DLG2: variants seen among roughly 807,000 people sequenced by gnomAD.
DLG2 encodes the protein disks large homolog 2.
DLG2 carries 45 observed loss-of-function variants against 132.5 expected under a neutral mutation model. That is an observed-to-expected ratio of 0.34 (90% CI 0.27 to 0.44). The LOEUF (loss-of-function observed/expected upper bound fraction) is 0.44, where lower values mean the gene tolerates loss of function less well. DLG2 is among the 20% of genes least tolerant of loss of function. DLG2 has a pLI of 1.00. For missense variants in DLG2, 1,045 were observed against 1,196.9 expected (o/e 0.87, Z 1.87); for synonymous variants, 424 against 419.6 (o/e 1.01, Z -0.13).
At chr11:84,278,211 T>C (rs1197645748) in intron 7 of DLG2, among the ~76,000 whole-genome samples, 1 of 151,890 alleles carries the variant, frequency 6.6e-6, no homozygotes, top group African/African-American at 2.4e-5. Context: ...TAAACAACTT[T>C]TTCCCCCCAA....
intron 11 of DLG2, among the ~76,000 whole-genome samples, chr11:83,997,851 A>T (rs892979731): frequency 1.3e-5 from 2 of 151,530 alleles, no homozygotes; most frequent in Non-Finnish European, 2.9e-5. Flanking sequence ...AGATACTGAG[A>T]ATATTGAAGT....
intron 8 of DLG2, among the ~76,000 whole-genome samples, chr11:84,180,853 C>T (rs1302124151): frequency 1.3e-5 from 2 of 151,770 alleles, no homozygotes; most frequent in African/African-American, 4.8e-5. Context: ...AAAAGACTTC[C>T]TCAGACAAAC....
At chr11:84,542,589 A>T (rs1488574817) in intron 6 of DLG2, among the ~76,000 whole-genome samples, 1 of 152,186 alleles carries the variant, frequency 6.6e-6, no homozygotes, top group Admixed American at 6.5e-5. Flanking sequence ...TTCTGGAAGA[A>T]AGCCTCTTAA....
intron 6 of DLG2, among the ~76,000 whole-genome samples, chr11:85,057,083 G>T (rs1799418537): frequency 6.6e-6 from 1 of 151,720 alleles, no homozygotes; most frequent in Admixed American, 6.6e-5. Flanking sequence ...GAAGAAATTT[G>T]TAGCTATTAT....
At chr11:83,517,957 A>G (rs2140293167) in intron 21 of DLG2, among the ~76,000 whole-genome samples, 1 of 152,144 alleles carries the variant, frequency 6.6e-6, no homozygotes, top group South Asian at 2.1e-4. Flanking sequence ...CAGTTAGGCT[A>G]CTCGGGGGTC....
At chr11:85,389,409 A>G (rs1328683798) in intron 3 of DLG2, among the ~76,000 whole-genome samples, 1 of 152,202 alleles carries the variant, frequency 6.6e-6, no homozygotes, top group Admixed American at 6.5e-5. Flanking sequence ...GGAAGAAGAG[A>G]AATCTAAAAG....
At chr11:84,754,147 G>A (rs1176166088) in intron 6 of DLG2, among the ~76,000 whole-genome samples, 2 of 152,094 alleles carry the variant, frequency 1.3e-5, no homozygotes, top group African/African-American at 2.4e-5. Context: ...ATATGGGAAA[G>A]GGTAAAAGAA....
chr11:85,416,429 T>G lies in DLG2; in HGVS notation c.41-131064A>C, dbSNP rs190493279. On this transcript the variant is annotated intron_variant, in intron 3 of 27. Coordinates refer to ENST00000376104, the MANE Select transcript of DLG2 (RefSeq NM_001142699.3). ...AGAATTGTCTTGGCTATACAGACTG[T>G]TTTTTGGTTCCATATAAAATTTAAA... 2.6e-5 allele frequency among the ~76,000 whole-genome samples: 4 copies of G among 152,290 alleles called. No homozygotes were observed. The East Asian group carries it at 7.7e-4, about 29-fold the overall frequency.
intron 15 of DLG2, among the ~76,000 whole-genome samples, chr11:83,887,624 A>T (rs1196985827): frequency 2.0e-5 from 3 of 152,018 alleles, no homozygotes; most frequent in Non-Finnish European, 4.4e-5. Context: ...CCTGATACCA[A>T]AGCCAGGCAG....
chr11:84,170,855 T>A, intron 8 of DLG2, among the ~76,000 whole-genome samples: 1 of 152,132 alleles, frequency 6.6e-6, no homozygotes, highest in East Asian at 1.9e-4. Flanking sequence ...TTTCTTCCCA[T>A]CTAGTGCACC....
At chr11:84,020,960 C>T (rs144291310) in intron 11 of DLG2, among the ~76,000 whole-genome samples, 58 of 152,292 alleles carry the variant, frequency 3.8e-4, no homozygotes, top group Non-Finnish European at 6.2e-4. Context: ...GCTGGGCCCA[C>T]ACACTTTCTT....
At chr11:84,226,094 A>C (rs2096989491) in intron 8 of DLG2, among the ~76,000 whole-genome samples, 1 of 152,244 alleles carries the variant, frequency 6.6e-6, no homozygotes, top group Non-Finnish European at 1.5e-5. Context: ...TACAGGCGTG[A>C]GCTGCTGCAC....
At chr11:85,512,114 T>C (rs1257500781) in intron 3 of DLG2, among the ~76,000 whole-genome samples, 1 of 152,056 alleles carries the variant, frequency 6.6e-6, no homozygotes, top group Non-Finnish European at 1.5e-5. Context: ...TCTTTTCCCC[T>C]GTCCATTGCC....
At chr11:84,706,855 A>C (rs1221538126) in intron 6 of DLG2, among the ~76,000 whole-genome samples, 2 of 151,810 alleles carry the variant, frequency 1.3e-5, no homozygotes, top group Non-Finnish European at 2.9e-5. Flanking sequence ...AGAGAAACTA[A>C]GTAAACATTG....
intron 11 of DLG2, among the ~76,000 whole-genome samples, chr11:83,981,546 G>C (rs982328443): frequency 3.3e-5 from 5 of 151,988 alleles, no homozygotes; most frequent in African/African-American, 1.2e-4. Context: ...GCTTCAAGCG[G>C]TTCTCCTGCC....
chr11:84,401,009 A>G lies in DLG2; in HGVS notation c.519+133561T>C, dbSNP rs75272211. 9.4e-3 allele frequency among the ~76,000 whole-genome samples: 1,427 copies of G among 152,256 alleles called. 17 individuals carry two copies. The highest frequency in any genetic ancestry group is 0.032 in the African/African-American group (1,330 of 41,538). On this transcript the variant is annotated intron_variant, in intron 7 of 27. Transcript: ENST00000376104. ...AACATAGTTAACATTCATTGAGCAC[A>G]TAACATGTATCAAACACATGGTTGA...
chr11:84,528,676 C>T (rs976722936), intron 7 of DLG2, among the ~76,000 whole-genome samples: 10 of 152,094 alleles, frequency 6.6e-5, no homozygotes, highest in Non-Finnish European at 1.5e-5. Context: ...AGTGTTTGAC[C>T]CAAGAATACC....
intron 7 of DLG2, among the ~76,000 whole-genome samples, chr11:84,431,887 T>C (rs529468060): frequency 1.0e-3 from 157 of 152,302 alleles, no homozygotes; most frequent in African/African-American, 3.5e-3. Flanking sequence ...TATGGTTTCA[T>C]TGGCAATCTT....
At chr11:84,845,793 C>T (rs1039219640) in intron 6 of DLG2, among the ~76,000 whole-genome samples, 1 of 151,724 alleles carries the variant, frequency 6.6e-6, no homozygotes, top group Non-Finnish European at 1.5e-5. Context: ...GATATCCCTG[C>T]CTCAGCCTCT....
Sources: gnomAD v4.1 joint callset for allele counts (sites outside exome capture counted in the v4.1 genomes callset) on GRCh38, gnomAD v4.1.1 for gene constraint, MANE v1.5 for transcripts, NCBI Gene and HGNC (gene_info 2026-07-23, HGNC 2026-07-21) for gene names.